Variants in B3GLCT observed in about 807,000 individuals in gnomAD.
B3GLCT encodes beta-1,3-glucosyltransferase.
B3GLCT carries 65 observed loss-of-function variants against 63.4 expected under a neutral mutation model. That is an observed-to-expected ratio of 1.03 (90% CI 0.84 to 1.26). B3GLCT has a LOEUF of 1.26. B3GLCT is among the 50% of genes most tolerant of loss of function. The probability of loss-of-function intolerance (pLI) is 0.00; values close to 1 mark genes in which losing one functional copy is unlikely to be tolerated. For missense variants in B3GLCT, 577 were observed against 604.8 expected, an observed-to-expected ratio of 0.95 and a Z score of 0.48; for synonymous variants, 233 against 219.2, an observed-to-expected ratio of 1.06 and a Z score of -0.55.
intron 5 of B3GLCT, among the ~76,000 whole-genome samples, chr13:31,247,330 G>A (rs1283565787): frequency 6.6e-6 from 1 of 152,068 alleles, no homozygotes; most frequent in Non-Finnish European, 1.5e-5. Flanking sequence ...CGCCAGGCTG[G>A]AATGCAGTGG....
intron 14 of B3GLCT, among the ~76,000 whole-genome samples, chr13:31,329,036 T>C (rs1875780449): frequency 6.6e-6 from 1 of 152,188 alleles, no homozygotes; most frequent in Admixed American, 6.5e-5. Flanking sequence ...TTTCTTCGAA[T>C]GACATCACCT....
intron 13 of B3GLCT, among the ~76,000 whole-genome samples, chr13:31,321,682 C>T (rs537777445): frequency 9.2e-5 from 14 of 152,244 alleles, no homozygotes; most frequent in African/African-American, 3.1e-4. Context: ...TTGACAGAGC[C>T]GAGTCAGACA....
At chr13:31,267,340 C>G (rs183277640) in intron 7 of B3GLCT, among the ~76,000 whole-genome samples, 1 of 152,148 alleles carries the variant, frequency 6.6e-6, no homozygotes, top group Admixed American at 6.5e-5. Flanking sequence ...GTCTTTGGAG[C>G]CTGAATGAAA....
chr13:31,287,763 C>T (rs1013495614), intron 12 of B3GLCT, among the ~76,000 whole-genome samples: 7 of 152,268 alleles, frequency 4.6e-5, no homozygotes, highest in Non-Finnish European at 1.0e-4. Context: ...TATTATACCT[C>T]TATTCCATAT....
chr13:31,239,132 G>T (rs897510509), intron 4 of B3GLCT, among the ~76,000 whole-genome samples: 9 of 152,186 alleles, frequency 5.9e-5, no homozygotes, highest in African/African-American at 1.9e-4. Context: ...GGAACAGTTT[G>T]TGGGATGGGT....
chr13:31,313,875 G>A (rs890760014), intron 12 of B3GLCT, among the ~76,000 whole-genome samples: 120 of 152,164 alleles, frequency 7.9e-4, no homozygotes, highest in Admixed American at 2.0e-3. Flanking sequence ...GGTTTGTTTC[G>A]TGGGCTGGAC....
rs1157354835 is a variant in B3GLCT, at chr13:31,261,004, C to A, written c.518C>A (p.Ala173Asp). 1 of 1,613,740 alleles carries A rather than the reference C, an allele frequency of 6.2e-7. No individual in the cohort carries two copies. The highest frequency in any genetic ancestry group is 1.3e-5 in the African/African-American group (1 of 74,862). ...DEEATIIHHY[A>D]FSENPTVFKY... ...GAAGCTACAATAATTCACCATTATG[C>A]CTTTTCCGAGAATCCTACAGTTTTT... is the stretch of plus-strand genomic sequence containing the variant. The change falls in exon 7 of 15, where the codon GCC (alanine) becomes GAC (aspartate). Residue 173 changes from alanine (A) to aspartate (D), a missense_variant. Physicochemically the swap from Ala to Asp is moderately radical, Grantham distance 126. Coordinates refer to ENST00000343307, the MANE Select transcript of B3GLCT (RefSeq NM_194318.4).
Position 31,199,989 on chromosome 13 carries a change from CGCGGCGGCAGGGCG to C in B3GLCT, c.-85_-72del, listed in dbSNP as rs1165467525. ...GGGGAGCCGGCAGAGAAGGGTCAGC[CGCGGCGGCAGGGCG>C]GCGGCGGCAGCGGCGCAGCTCCGCT... On this transcript the variant is annotated 5_prime_UTR_variant, in exon 1 of 15. Transcript: ENST00000343307. 4.2e-6 allele frequency: 3 copies of C among 715,556 alleles called. No individual in the cohort carries two copies. Among genetic ancestry groups the C allele is most frequent in the African/African-American group, 3.8e-5 (2 of 52,852 alleles). The allele number at this position is 715,556 out of a possible 1,614,324, so 44.3% of individuals were successfully genotyped here.
chr13:31,239,413 A>G (rs1028555459), intron 4 of B3GLCT, among the ~76,000 whole-genome samples: 2 of 152,200 alleles, frequency 1.3e-5, no homozygotes, highest in African/African-American at 4.8e-5. Flanking sequence ...ACAGAAACCC[A>G]TAAGGAGAGT....
intron 12 of B3GLCT, among the ~76,000 whole-genome samples, chr13:31,293,422 T>C (rs1163908350): frequency 6.6e-6 from 1 of 152,128 alleles, no homozygotes; most frequent in Non-Finnish European, 1.5e-5. Flanking sequence ...CCCACTATTA[T>C]TGTGTGGGAG....
chr13:31,273,340 C>T (rs951250348), intron 8 of B3GLCT, among the ~76,000 whole-genome samples: 76 of 152,186 alleles, frequency 5.0e-4, no homozygotes, highest in African/African-American at 1.7e-3. Context: ...GCGATCTGCC[C>T]GCCTCAGCCT....
rs1197437512 is a variant in B3GLCT at position 31,329,694 on chromosome 13, T to C, written c.*26T>C. ...ATCAGGGTGACCTGTGCGCCTAGCC[T>C]GCGCAGGGAATGAACTGGAGACTGT... On this transcript the variant is annotated 3_prime_UTR_variant, in exon 15 of 15. Transcript: ENST00000343307. 6.2e-7 allele frequency: 1 copy of C among 1,612,714 alleles called. No individual in the cohort carries two copies. The highest frequency in any genetic ancestry group is 8.5e-7 in the Non-Finnish European group (1 of 1,178,986).
intron 12 of B3GLCT, among the ~76,000 whole-genome samples, chr13:31,308,847 G>C (rs527511521): frequency 6.6e-6 from 1 of 152,196 alleles, no homozygotes; most frequent in Admixed American, 6.5e-5. Context: ...TTTCCCTTGT[G>C]CCATGGTTCT....
intron 2 of B3GLCT, among the ~76,000 whole-genome samples, chr13:31,216,980 C>T (rs968278120): frequency 2.0e-5 from 3 of 152,150 alleles, no homozygotes; most frequent in Non-Finnish European, 2.9e-5. Flanking sequence ...AATGAAATTG[C>T]TGAGTTGAAT....
intron 14 of B3GLCT, among the ~76,000 whole-genome samples, chr13:31,327,357 G>T (rs1305139541): frequency 6.6e-6 from 1 of 152,208 alleles, no homozygotes; most frequent in Non-Finnish European, 1.5e-5. Context: ...CGACTCAGGG[G>T]CAGGGAGTGT....
chr13:31,292,798 C>T (rs1359771387), intron 12 of B3GLCT, among the ~76,000 whole-genome samples: 1 of 150,788 alleles, frequency 6.6e-6, no homozygotes, highest in South Asian at 2.1e-4. Context: ...TTTTTTGTGT[C>T]TCTGTCTCCT....
chr13:31,249,582 A>G (rs1428119084), intron 6 of B3GLCT, among the ~76,000 whole-genome samples: 1 of 152,184 alleles, frequency 6.6e-6, no homozygotes, highest in Non-Finnish European at 1.5e-5. Context: ...AATTCTGTAC[A>G]GGAGATGGTG....
Position 31,269,228 on chromosome 13 carries a change from T to G in B3GLCT, c.611T>G (p.Leu204Arg). 6.2e-7 allele frequency: 1 copy of G among 1,609,718 alleles called. No homozygotes were observed. The highest frequency in any genetic ancestry group is 8.5e-7 in the Non-Finnish European group (1 of 1,176,198). Residue 204 changes from leucine (L) to arginine (R), a missense_variant, in exon 8 of 15, where the codon CTA becomes CGA. Physicochemically the swap from Leu to Arg is moderately radical, Grantham distance 102. Coordinates refer to ENST00000343307, the MANE Select transcript of B3GLCT (RefSeq NM_194318.4). ...CTATTTTCTAGGCTTACCAAGAGAC[T>G]AAAGAGTGAATCCTTGAAATCCGAC... Reference protein sequence around the residue: ...IPLVNKLTKRLKSESLKSDFT... With the variant: ...IPLVNKLTKRRKSESLKSDFT...
At chr13:31,301,007 C>T (rs1464570005) in intron 12 of B3GLCT, among the ~76,000 whole-genome samples, 1 of 152,122 alleles carries the variant, frequency 6.6e-6, no homozygotes, top group African/African-American at 2.4e-5. Flanking sequence ...GACCTACGCC[C>T]AGGAATGAGT....
Sources: allele counts gnomAD v4.1 joint callset (sites outside exome capture counted in the v4.1 genomes callset), GRCh38; gene constraint gnomAD v4.1.1; transcripts MANE v1.5; gene names NCBI Gene and HGNC (gene_info 2026-07-23, HGNC 2026-07-21).